Variants in PDS5A observed in about 807,000 individuals in gnomAD.
The protein encoded by PDS5A is sister chromatid cohesion protein PDS5 homolog A.
Under a neutral mutation model 167.1 loss-of-function variants are expected in PDS5A, and 42 were observed. The observed-to-expected ratio is 0.25, with a 90% CI of 0.20 to 0.33. PDS5A has a LOEUF of 0.33. PDS5A is among the 10% of genes least tolerant of loss of function. The pLI is 1.00. For missense variants in PDS5A, 1,033 were observed against 1,605.9 expected (o/e 0.64, Z 6.10); for synonymous variants, 553 against 554.6 (o/e 1.00, Z 0.04).
intron 19 of PDS5A, among the ~76,000 whole-genome samples, chr4:39,876,040 G>A (rs1164536136): frequency 6.6e-6 from 1 of 151,734 alleles, no homozygotes; most frequent in Non-Finnish European, 1.5e-5. Flanking sequence ...TTATGAATAA[G>A]GTATTTTATT....
At chr4:39,842,939 T>TATATATA in intron 30 of PDS5A, among the ~76,000 whole-genome samples, 1 of 31,858 alleles carries the variant, frequency 3.1e-5, no homozygotes, top group Middle Eastern at 0.013. Flanking sequence ...ATATATATAT[T>TATATATA]TTAAGAGACA....
intron 11 of PDS5A, among the ~76,000 whole-genome samples, chr4:39,905,299 T>C (rs1190335537): frequency 1.3e-5 from 2 of 151,994 alleles, no homozygotes. Flanking sequence ...GGCTCACACC[T>C]GTAACCCTAG....
chr4:39,859,321 C>T (rs942364197), intron 26 of PDS5A, among the ~76,000 whole-genome samples: 9 of 152,080 alleles, frequency 5.9e-5, no homozygotes, highest in African/African-American at 2.2e-4. Flanking sequence ...TTTCCTGTCA[C>T]CCAGGCTAGA....
At chr4:39,883,614 C>A (rs2109600132) in intron 17 of PDS5A, among the ~76,000 whole-genome samples, 1 of 152,284 alleles carries the variant, frequency 6.6e-6, no homozygotes, top group East Asian at 1.9e-4. Context: ...GAGGCTCAAA[C>A]TCTGACTTTA....
rs1720520534 is a variant in PDS5A at position 39,877,112 on chromosome 4, C to T, written c.2034G>A (p.Glu678=). Residue 678 remains glutamate, a synonymous_variant, in exon 19 of 33, where the codon GAG becomes GAA. Transcript: ENST00000303538. ...GGCACTGTAACAAGGACTCATATGTCTCTGCAGAGTGGAACGAGGTAGGAT... is the reference window on the plus strand; with the variant it reads ...GGCACTGTAACAAGGACTCATATGTTTCTGCAGAGTGGAACGAGGTAGGAT... ...FTHPTSFHSA[E]TYESLLQCLR... is the part of the protein sequence containing the mutation. 6.2e-7 allele frequency: 1 copy of T among 1,607,388 alleles called. No homozygotes were observed. The highest frequency in any genetic ancestry group is 2.2e-5 in the East Asian group (1 of 44,720).
At chr4:39,936,105 G>C (rs766183271) in intron 2 of PDS5A, among the ~76,000 whole-genome samples, 33 of 152,204 alleles carry the variant, frequency 2.2e-4, no homozygotes, top group Non-Finnish European at 4.1e-4. Context: ...GGAAACTTAT[G>C]AGGGTGATAA....
chr4:39,944,408 G>C (rs1727546449), intron 2 of PDS5A, among the ~76,000 whole-genome samples: 1 of 151,836 alleles, frequency 6.6e-6, no homozygotes, highest in Non-Finnish European at 1.5e-5. Context: ...AAGGCTGAGA[G>C]TGTGGCGGGG....
At position 39,824,037 on chromosome 4, in the gene PDS5A, T is replaced by C. The variant is rs911999588; in HGVS notation, c.*1448A>G. ...CCCATGCTAGAAACGTGTAAGGAAA[T>C]GGAGTGAGCACATTCTGCTAGGGCT... On this transcript the variant is annotated 3_prime_UTR_variant, in exon 33 of 33. Transcript: ENST00000303538. 30 of 152,128 alleles carry C rather than the reference T, an allele frequency of 2.0e-4. No homozygotes were observed. Among genetic ancestry groups the C allele is most frequent in the Admixed American group, 1.3e-3 (20 of 15,264 alleles). 9.4% of individuals were successfully genotyped at this position (152,128 alleles called of 1,614,324 possible). A position where few individuals can be genotyped will look rare whatever the true frequency, so the allele number is the denominator to read the frequency against.
intron 17 of PDS5A, among the ~76,000 whole-genome samples, chr4:39,882,002 C>G (rs1720975592): frequency 6.6e-6 from 1 of 152,270 alleles, no homozygotes; most frequent in South Asian, 2.1e-4. Flanking sequence ...TGTAAGATGT[C>G]ACTTTGCTCT....
At chr4:39,928,214 A>G (rs1432603449) in intron 2 of PDS5A, 50 bp from the exon 3 acceptor site, 2 of 1,261,076 alleles carry the variant, frequency 1.6e-6, no homozygotes, top group Middle Eastern at 1.9e-4. Context: ...GAATTTAGAA[A>G]TCAGTGGAGG....
chr4:39,912,740 C>A (rs1724001312), intron 9 of PDS5A, among the ~76,000 whole-genome samples: 1 of 152,096 alleles, frequency 6.6e-6, no homozygotes, highest in African/African-American at 2.4e-5. Flanking sequence ...AAATGGAATG[C>A]AAGGAGAAAT....
intron 11 of PDS5A, among the ~76,000 whole-genome samples, chr4:39,905,575 C>G (rs1486432485): frequency 6.6e-6 from 1 of 151,798 alleles, no homozygotes; most frequent in Non-Finnish European, 1.5e-5. Flanking sequence ...AAACAAAAAA[C>G]AAAAAACTGA....
intron 2 of PDS5A, among the ~76,000 whole-genome samples, chr4:39,940,149 T>C (rs1476663966): frequency 6.6e-6 from 1 of 150,712 alleles, no homozygotes; most frequent in Admixed American, 6.6e-5. Context: ...TCTCAGCTAC[T>C]TGGGAGGCTA....
intron 2 of PDS5A, among the ~76,000 whole-genome samples, chr4:39,972,700 A>C (rs926077020): frequency 3.3e-5 from 5 of 151,252 alleles, no homozygotes; most frequent in Non-Finnish European, 7.4e-5. Context: ...CTGTTTAAGG[A>C]ATTTTTTATT....
At chr4:39,862,548 G>C (rs1719085570) in intron 25 of PDS5A, among the ~76,000 whole-genome samples, 3 of 152,118 alleles carry the variant, frequency 2.0e-5, no homozygotes, top group Admixed American at 2.0e-4. Flanking sequence ...TGAAGTCAAA[G>C]GTATCAGATA....
chr4:39,958,659 G>A (rs1729194320), intron 2 of PDS5A, among the ~76,000 whole-genome samples: 1 of 150,920 alleles, frequency 6.6e-6, no homozygotes, highest in Admixed American at 6.6e-5. Flanking sequence ...CTATCACCTA[G>A]GCTGGAGTGC....
chr4:39,843,845 T>C (rs758583803), intron 30 of PDS5A, among the ~76,000 whole-genome samples: 11 of 152,078 alleles, frequency 7.2e-5, no homozygotes, highest in Admixed American at 2.6e-4. Flanking sequence ...GATTTCCTCA[T>C]TGAAAATACT....
chr4:39,889,625 A>T (rs1721796562), intron 17 of PDS5A, among the ~76,000 whole-genome samples: 1 of 152,260 alleles, frequency 6.6e-6, no homozygotes, highest in Non-Finnish European at 1.5e-5. Flanking sequence ...GTCTGAAATC[A>T]TGAGAATACG....
At chr4:39,852,773 TGTTCCTTGC>T (rs1718225153) in intron 26 of PDS5A, among the ~76,000 whole-genome samples, 1 of 152,190 alleles carries the variant, frequency 6.6e-6, no homozygotes, top group African/African-American at 2.4e-5. Flanking sequence ...AGCTTCCCTA[TGTTCCTTGC>T]GTTGATTTAG....
Sources: allele counts gnomAD v4.1 joint callset (sites outside exome capture counted in the v4.1 genomes callset), GRCh38; gene constraint gnomAD v4.1.1; transcripts MANE v1.5; gene names NCBI Gene and HGNC (gene_info 2026-07-23, HGNC 2026-07-21).